SRPK1: variants seen among roughly 807,000 people sequenced by gnomAD.
SRPK1 encodes the protein SRSF protein kinase 1, also known as SFRS protein kinase 1.
Under a neutral mutation model 89.5 loss-of-function variants are expected in SRPK1, and 52 were observed. The observed-to-expected ratio is 0.58, with a 90% CI of 0.46 to 0.73. The LOEUF (loss-of-function observed/expected upper bound fraction) is 0.73, where lower values mean the gene tolerates loss of function less well. SRPK1 is among the 30% of genes least tolerant of loss of function. The probability of loss-of-function intolerance (pLI) is 0.00; values close to 1 mark genes in which losing one functional copy is unlikely to be tolerated. For synonymous variants in SRPK1, 255 were observed against 270.2 expected, an observed-to-expected ratio of 0.94 and a Z score of 0.55; for missense variants, 603 against 780.6, an observed-to-expected ratio of 0.77 and a Z score of 2.71.
At chr6:35,894,054 G>A (rs971424522) in intron 2 of SRPK1, among the ~76,000 whole-genome samples, 2 of 151,942 alleles carry the variant, frequency 1.3e-5, no homozygotes, top group Non-Finnish European at 2.9e-5. Flanking sequence ...GCCTTGCTAG[G>A]GACGTAGGGC....
At chr6:35,919,981 C>A in intron 2 of SRPK1, 1 of 430,194 alleles carries the variant, frequency 2.3e-6, no homozygotes, top group East Asian at 7.0e-5. Flanking sequence ...AGCCCCATGC[C>A]CTCCTCTATG....
rs201427452 is a variant in SRPK1, at chr6:35,837,106, G to GT, written c.1783+1230dup. Among the ~76,000 whole-genome samples, 396 of 151,468 alleles carry GT rather than the reference G, an allele frequency of 2.6e-3. 2 individuals are homozygous for GT. The highest frequency in any genetic ancestry group is 8.2e-3 in the African/African-American group (337 of 41,082). On this transcript the variant is annotated intron_variant, in intron 15 of 15. Coordinates refer to ENST00000373825, the MANE Select transcript of SRPK1 (RefSeq NM_003137.5). Reference sequence around the variant, plus strand: ...TCTAGGTCAGGTTTTCACATTTCAGGTTTTTTTTGCAATGCTTAAGAAATA... The same window carrying GT: ...TCTAGGTCAGGTTTTCACATTTCAGGTTTTTTTTTGCAATGCTTAAGAAATA...
chr6:35,898,665 G>C (rs2127262013), intron 2 of SRPK1, among the ~76,000 whole-genome samples: 1 of 152,228 alleles, frequency 6.6e-6, no homozygotes, highest in Non-Finnish European at 1.5e-5. Flanking sequence ...TTGGGAGGCG[G>C]AGGTGGCAGT....
chr6:35,850,709 T>C (rs557938739), intron 13 of SRPK1, among the ~76,000 whole-genome samples: 95 of 152,282 alleles, frequency 6.2e-4, no homozygotes, highest in African/African-American at 2.1e-3. Context: ...TTAAGAATCA[T>C]AGACAATTTC....
chr6:35,871,819 G>A (rs1582008439), intron 8 of SRPK1, among the ~76,000 whole-genome samples: 1 of 152,236 alleles, frequency 6.6e-6, no homozygotes, highest in East Asian at 1.9e-4. Context: ...ACAACTCGTG[G>A]CAGCCTTGAC....
rs530585321 is a variant in SRPK1, at chr6:35,835,177, TA to T, written c.*126del. On this transcript the variant is annotated 3_prime_UTR_variant, in exon 16 of 16. Coordinates refer to ENST00000373825, the MANE Select transcript of SRPK1 (RefSeq NM_003137.5). ...GCAAACCCAAATGAACATGTTGGATTAAAAAAAAAACAAGATCTAGAAACTC... is the reference window on the plus strand; with the variant it reads ...GCAAACCCAAATGAACATGTTGGATTAAAAAAAAACAAGATCTAGAAACTC... 4.7e-3 allele frequency: 3,681 copies of T among 782,982 alleles called. No homozygotes were observed. The highest frequency in any genetic ancestry group is 6.8e-3 in the South Asian group (277 of 40,486). The allele number at this position is 782,982 out of a possible 1,614,324, so 48.5% of individuals were successfully genotyped here. A position where few individuals can be genotyped will look rare whatever the true frequency, so the allele number is the denominator to read the frequency against.
intron 14 of SRPK1, among the ~76,000 whole-genome samples, chr6:35,840,163 G>T (rs1769276736): frequency 6.6e-6 from 1 of 152,188 alleles, no homozygotes; most frequent in African/African-American, 2.4e-5. Context: ...TGTAGTTACA[G>T]AATCATTAAG....
At chr6:35,877,712 G>C (rs776720262) in intron 6 of SRPK1, among the ~76,000 whole-genome samples, 1 of 151,948 alleles carries the variant, frequency 6.6e-6, no homozygotes, top group African/African-American at 2.4e-5. Context: ...GCATGGTGGC[G>C]CGTGCCTGTA....
At chr6:35,848,936 AT>A (rs1256908140) in intron 13 of SRPK1, among the ~76,000 whole-genome samples, 10 of 152,170 alleles carry the variant, frequency 6.6e-5, no homozygotes, top group Non-Finnish European at 1.5e-4. Context: ...CTGAGCAATG[AT>A]TTTTTTGGAT....
intron 2 of SRPK1, 138 bp from the exon 3 acceptor site, chr6:35,891,151 T>C: frequency 1.0e-6 from 1 of 984,490 alleles, no homozygotes; most frequent in South Asian, 2.8e-5. Context: ...TAGGAAAATA[T>C]TAGCTGTAGT....
At chr6:35,880,967 A>G (rs936240075) in intron 6 of SRPK1, among the ~76,000 whole-genome samples, 1 of 152,020 alleles carries the variant, frequency 6.6e-6, no homozygotes, top group African/African-American at 2.4e-5. Flanking sequence ...CTCTTCACAT[A>G]CAAGGGATCC....
chr6:35,911,995 C>G (rs1770979195), intron 2 of SRPK1, among the ~76,000 whole-genome samples: 1 of 151,952 alleles, frequency 6.6e-6, no homozygotes, highest in Non-Finnish European at 1.5e-5. Context: ...CACAGCTACT[C>G]CAACCTTGAG....
intron 9 of SRPK1, among the ~76,000 whole-genome samples, chr6:35,870,701 T>C (rs1202597460): frequency 2.0e-5 from 3 of 152,240 alleles, no homozygotes; most frequent in Admixed American, 1.3e-4. Context: ...TGTGGTCTTC[T>C]GAGCAGTCCG....
chr6:35,844,005 G>GTTTTTT (rs35051574), intron 13 of SRPK1, among the ~76,000 whole-genome samples: 1 of 125,706 alleles, frequency 8.0e-6, no homozygotes, highest in Non-Finnish European at 1.6e-5. Flanking sequence ...CACAACAGCA[G>GTTTTTT]TTTTTTTTTT....
intron 12 of SRPK1, among the ~76,000 whole-genome samples, chr6:35,862,877 C>A (rs1422261061): frequency 2.0e-5 from 3 of 152,080 alleles, no homozygotes; most frequent in African/African-American, 7.2e-5. Flanking sequence ...CTAAAAAATT[C>A]ACTGAAGCAG....
chr6:35,905,875 A>AT, intron 2 of SRPK1, among the ~76,000 whole-genome samples: 1 of 152,314 alleles, frequency 6.6e-6, no homozygotes, highest in South Asian at 2.1e-4. Flanking sequence ...TGAACTCATG[A>AT]TTTTTTTAAA....
At chr6:35,882,807 G>C (rs1770324177) in intron 6 of SRPK1, among the ~76,000 whole-genome samples, 1 of 151,624 alleles carries the variant, frequency 6.6e-6, no homozygotes. Context: ...ATTCTGCTGA[G>C]AAAAAAAATT....
chr6:35,880,134 C>A (rs1582014084), intron 6 of SRPK1, among the ~76,000 whole-genome samples: 1 of 134,766 alleles, frequency 7.4e-6, no homozygotes, highest in Non-Finnish European at 1.6e-5. Flanking sequence ...GTCAAGAAAA[C>A]AATATATAAA....
At chr6:35,919,370 C>T (rs1436092932) in intron 2 of SRPK1, among the ~76,000 whole-genome samples, 4 of 152,136 alleles carry the variant, frequency 2.6e-5, no homozygotes, top group Non-Finnish European at 5.9e-5. Context: ...ACACACACCC[C>T]TACACCCCCC....
Sources: allele counts gnomAD v4.1 joint callset (sites outside exome capture counted in the v4.1 genomes callset), GRCh38; gene constraint gnomAD v4.1.1; transcripts MANE v1.5; gene names NCBI Gene and HGNC (gene_info 2026-07-23, HGNC 2026-07-21).